The following HELLS variants were observed in gnomAD, a reference collection of about 807,000 sequenced individuals.
HELLS encodes the protein helicase, lymphoid specific, also known as lymphoid-specific helicase.
In HELLS, 32 loss-of-function variants were observed where a neutral mutation model predicts 120.0. The ratio of observed to expected loss-of-function variants is 0.27; its 90% CI spans 0.20 to 0.36. The LOEUF (loss-of-function observed/expected upper bound fraction) is 0.36, where lower values mean the gene tolerates loss of function less well. Among genes scored for constraint, HELLS ranks in the 10% least tolerant of loss-of-function variants. The pLI is 1.00. For synonymous variants in HELLS, 341 were observed against 323.4 expected (o/e 1.05, Z -0.58); for missense variants, 650 against 993.4 (o/e 0.65, Z 4.65).
In HELLS at chr10:94,571,384, C is replaced by T; in HGVS notation, c.436-4C>T. ...AATTTGTTTTTGTTTTCTCAAACTA[C>T]TAGGAAATTTTGTCTGTGGCTAAAA... On this transcript the variant is annotated splice_polypyrimidine_tract_variant and splice_region_variant and intron_variant, in intron 6 of 21. Coordinates refer to ENST00000348459, the MANE Select transcript of HELLS (RefSeq NM_018063.5). The T allele has an allele frequency of 6.8e-7, 1 of 1,474,272 alleles. No homozygotes were observed. The highest frequency in any genetic ancestry group is 9.4e-7 in the Non-Finnish European group (1 of 1,068,362). The allele number at this position is 1,474,272 out of a possible 1,614,324, so 91.3% of individuals were successfully genotyped here.
At position 94,601,513 on chromosome 10, in the gene HELLS, A is replaced by C; in HGVS notation, c.2423-15A>C. ...ATACTTCTAAAATGTACCTGTTTTA[A>C]TGTTTTTCCCTTAGATCAAATGAAT... On this transcript the variant is annotated splice_polypyrimidine_tract_variant and intron_variant, in intron 21 of 21. Coordinates refer to ENST00000348459, the MANE Select transcript of HELLS (RefSeq NM_018063.5). 1 of 1,277,468 alleles carries C rather than the reference A, an allele frequency of 7.8e-7. No individual in the cohort carries two copies. The highest frequency in any genetic ancestry group is 1.1e-6 in the Non-Finnish European group (1 of 884,498). The allele number at this position is 1,277,468 out of a possible 1,614,324, so 79.1% of individuals were successfully genotyped here. A position where few individuals can be genotyped will look rare whatever the true frequency, so the allele number is the denominator to read the frequency against.
At chr10:94,598,328 T>C (rs532484141) in intron 21 of HELLS, among the ~76,000 whole-genome samples, 2 of 152,284 alleles carry the variant, frequency 1.3e-5, no homozygotes, top group East Asian at 3.9e-4. Context: ...GGGTCTTGCT[T>C]TGTATTCCTG....
chr10:94,546,988 A>G (rs1842779302), intron 2 of HELLS, among the ~76,000 whole-genome samples: 2 of 152,180 alleles, frequency 1.3e-5, no homozygotes, highest in African/African-American at 4.8e-5. Flanking sequence ...CACCTAAGTG[A>G]TCAACTTGCT....
intron 11 of HELLS, among the ~76,000 whole-genome samples, chr10:94,581,809 T>C (rs186666584): frequency 7.7e-4 from 117 of 152,332 alleles, no homozygotes; most frequent in African/African-American, 2.7e-3. Flanking sequence ...TTAAGATGGA[T>C]TTTTCTTACT....
At chr10:94,565,442 C>A (rs769602146) in intron 6 of HELLS, among the ~76,000 whole-genome samples, 1 of 152,310 alleles carries the variant, frequency 6.6e-6, no homozygotes. Context: ...TAAACCCCGG[C>A]GCTTTGGGAG....
intron 9 of HELLS, among the ~76,000 whole-genome samples, 172 bp from the exon 10 acceptor site, chr10:94,576,490 C>T (rs1316237926): frequency 6.6e-6 from 1 of 151,584 alleles, no homozygotes; most frequent in Non-Finnish European, 1.5e-5. Context: ...TCATTTTCTC[C>T]CATAATAGTT....
rs771730256 is a variant in HELLS at position 94,581,408 on chromosome 10, G to T, written c.1115G>T (p.Arg372Leu). The change falls in exon 11 of 22, where the codon CGA (arginine) becomes CTA (leucine). Residue 372 changes from arginine (R) to leucine (L), a missense_variant. Physicochemically the swap from Arg to Leu is moderately radical, Grantham distance 102 (BLOSUM62 -2). Transcript: ENST00000348459. Reference sequence around the variant, plus strand: ...TGCCGTCTAATCAGGGAGTTAAAACGATTCAATGCTGATAACAAACTTCTT... The same window carrying T: ...TGCCGTCTAATCAGGGAGTTAAAACTATTCAATGCTGATAACAAACTTCTT... The part of the protein sequence containing the change: ...MKCRLIRELK[R>L]FNADNKLLLT... The T allele has an allele frequency of 3.7e-6, 6 of 1,611,842 alleles. No homozygotes were observed. The highest frequency in any genetic ancestry group is 5.1e-6 in the Non-Finnish European group (6 of 1,178,362).
At chr10:94,552,031 G>A (rs546842913) in intron 2 of HELLS, among the ~76,000 whole-genome samples, 3 of 152,188 alleles carry the variant, frequency 2.0e-5, no homozygotes, top group South Asian at 2.1e-4. Flanking sequence ...GAGCCACCGC[G>A]CCCAGCCTCA....
intron 21 of HELLS, among the ~76,000 whole-genome samples, chr10:94,600,445 C>G (rs1334448633): frequency 6.6e-6 from 1 of 151,946 alleles, no homozygotes; most frequent in Non-Finnish European, 1.5e-5. Flanking sequence ...ATTTAAAAGT[C>G]ATAATAATCA....
chr10:94,571,809 A>G (rs1425938952), intron 7 of HELLS, among the ~76,000 whole-genome samples: 1 of 152,190 alleles, frequency 6.6e-6, no homozygotes, highest in Non-Finnish European at 1.5e-5. Context: ...TAAGTTTCTT[A>G]AAAGTTCTGT....
chr10:94,547,827 A>G (rs1162144417), intron 2 of HELLS, among the ~76,000 whole-genome samples: 1 of 152,150 alleles, frequency 6.6e-6, no homozygotes, highest in African/African-American at 2.4e-5. Flanking sequence ...TAGAATGCAC[A>G]TTTTTTAACT....
In HELLS at chr10:94,581,184, T is replaced by C. The variant is rs74150830; in HGVS notation, c.1033-142T>C. 8.7e-3 allele frequency: 4,490 copies of C among 518,046 alleles called. 151 individuals are homozygous for C. Among genetic ancestry groups the C allele is most frequent in the African/African-American group, 0.073 (3,807 of 51,842 alleles). The allele number at this position is 518,046 out of a possible 1,614,324, so 32.1% of individuals were successfully genotyped here. The stretch of plus-strand genomic sequence containing the variant: ...CTTGTAAGTGGATCAAATGAAAACA[T>C]GATCATTTCAGTAGTTACTGAAATT... On this transcript the variant is annotated intron_variant, in intron 10 of 21. Transcript: ENST00000348459.
At chr10:94,611,637 A>C (rs572750743) in exon 10 of HELLS, 63 of 152,242 alleles carry the variant, frequency 4.1e-4, no homozygotes, top group African/African-American at 1.4e-3. Context: ...CACTTGTGTC[A>C]TTTCTTATAC....
chr10:94,557,495 T>A (rs1036661820), intron 3 of HELLS, among the ~76,000 whole-genome samples: 3 of 152,226 alleles, frequency 2.0e-5, no homozygotes, highest in African/African-American at 7.2e-5. Context: ...AGTTGATCCC[T>A]TTTCTGAGCA....
Position 94,590,470 on chromosome 10 carries a change from A to G in HELLS, c.1546A>G (p.Ile516Val). 1.9e-6 allele frequency: 3 copies of G among 1,612,770 alleles called. No individual in the cohort carries two copies. Among genetic ancestry groups the G allele is most frequent in the Non-Finnish European group, 2.5e-6 (3 of 1,179,688 alleles). The change falls in exon 14 of 22, where the codon ATA becomes GTA. Residue 516 changes from isoleucine (I) to valine (V), a missense_variant. Transcript: ENST00000348459. ...ACCAAAACGACGAACTAGAAAATCA[A>G]TAAATTACAGCAAAATAGATGATTT... ...GRPKRRTRKS[I>V]NYSKIDDFPN...
At chr10:94,596,679 A>G (rs1845755744) in intron 19 of HELLS, among the ~76,000 whole-genome samples, 181 bp from the exon 20 acceptor site, 1 of 152,284 alleles carries the variant, frequency 6.6e-6, no homozygotes, top group Non-Finnish European at 1.5e-5. Flanking sequence ...AGCCTTTTCC[A>G]AAGTGGACAT....
Position 94,567,956 on chromosome 10 carries a change from C to CTGGA in HELLS, c.436-3431_436-3428dup, listed in dbSNP as rs375702384. Among the ~76,000 whole-genome samples, 636 of 142,362 alleles carry CTGGA rather than the reference C, an allele frequency of 4.5e-3. 8 individuals are homozygous for CTGGA. Among genetic ancestry groups the CTGGA allele is most frequent in the African/African-American group, 0.016 (614 of 37,752 alleles). The allele number at this position is 142,362 out of a possible 152,430, so 93.4% of individuals were successfully genotyped here. A position where few individuals can be genotyped will look rare whatever the true frequency, so the allele number is the denominator to read the frequency against. On this transcript the variant is annotated intron_variant, in intron 6 of 21. Transcript: ENST00000348459. The stretch of plus-strand genomic sequence containing the variant: ...GAGAGAGTCTCGCTCTGTCGCCAGG[C>CTGGA]TGGAATGCAGTGCTGCGATCTTGAC...
intron 10 of HELLS, among the ~76,000 whole-genome samples, chr10:94,580,028 A>G (rs1398269182): frequency 6.7e-6 from 1 of 149,700 alleles, no homozygotes; most frequent in Non-Finnish European, 1.5e-5. Flanking sequence ...GTGCGAGTGG[A>G]AGTGACTGAG....
chr10:94,557,245 C>G (rs1185437601), intron 3 of HELLS: 1 of 347,156 alleles, frequency 2.9e-6, no homozygotes, highest in Admixed American at 3.6e-5. Flanking sequence ...GTCCCCATCA[C>G]CCACATTTAA....
Sources: gnomAD v4.1 joint callset for allele counts (sites outside exome capture counted in the v4.1 genomes callset) on GRCh38, gnomAD v4.1.1 for gene constraint, MANE v1.5 for transcripts, NCBI Gene and HGNC (gene_info 2026-07-23, HGNC 2026-07-21) for gene names.